Variants in RGS14 observed in about 807,000 individuals in gnomAD.
The protein encoded by RGS14 is regulator of G-protein signaling 14.
RGS14 carries 33 observed loss-of-function variants against 63.8 expected under a neutral mutation model. That is an observed-to-expected ratio of 0.52 (90% CI 0.39 to 0.69). The LOEUF (loss-of-function observed/expected upper bound fraction) is 0.69, where lower values mean the gene tolerates loss of function less well. RGS14 is among the 30% of genes least tolerant of loss of function. The probability of loss-of-function intolerance (pLI) is 0.00; values close to 1 mark genes in which losing one functional copy is unlikely to be tolerated. For synonymous variants in RGS14, 296 were observed against 320.9 expected (o/e 0.92, Z 0.83); for missense variants, 739 against 742.9 (o/e 0.99, Z 0.06).
Position 177,359,712 on chromosome 5 carries a change from C to G in RGS14, c.45+1643C>G, listed in dbSNP as rs1422026824. ...ACTCTCTGTGCCACCTCTTAGAATC[C>G]CGAGGGTCACAGATTGGCTGCCTGC... On this transcript the variant is annotated intron_variant, in intron 1 of 14. Coordinates refer to ENST00000408923, the MANE Select transcript of RGS14 (RefSeq NM_006480.5). This position sits in a 1 kb window ranked among gnomAD's most constrained non-coding sequence, Gnocchi z 4.4. 6.6e-6 allele frequency among the ~76,000 whole-genome samples: 1 copy of G among 152,214 alleles called. No individual in the cohort carries two copies. The highest frequency in any genetic ancestry group is 1.5e-5 in the Non-Finnish European group (1 of 68,036).
At chr5:177,363,877 T>C (rs1195481938) in intron 1 of RGS14, among the ~76,000 whole-genome samples, 2 of 151,866 alleles carry the variant, frequency 1.3e-5, no homozygotes, top group African/African-American at 2.4e-5. Flanking sequence ...CTGAGAGGAG[T>C]GTAAGCCCTT....
chr5:177,368,338 G>C, intron 8 of RGS14, 72 bp downstream of exon 8: 1 of 1,458,768 alleles, frequency 6.9e-7, no homozygotes, highest in Non-Finnish European at 9.2e-7. Flanking sequence ...TTACGTGGTG[G>C]CCCTCATTCC....
chr5:177,368,236 C>T lies in RGS14; in HGVS notation c.819C>T (p.Gly273=), dbSNP rs768580365. The change falls in exon 8 of 15, where the codon GGC becomes GGT. Residue 273 remains glycine (G), a synonymous_variant. Coordinates refer to ENST00000408923, the MANE Select transcript of RGS14 (RefSeq NM_006480.5). ...SLNSSASLDL[G]FLAFVSSKSE... is the part of the protein sequence containing the mutation. ...ACTCCTCCGCCAGCCTGGACCTTGG[C>T]TTCCTAGCCTTCGTCAGCAGCAAAT... 1.9e-5 allele frequency: 31 copies of T among 1,613,456 alleles called. No individual in the cohort carries two copies. The highest frequency in any genetic ancestry group is 2.5e-5 in the Non-Finnish European group (29 of 1,179,624).
chr5:177,366,573 CGTCT>C (rs1445722732), intron 3 of RGS14, 131 bp from the exon 4 acceptor site: 5 of 888,636 alleles, frequency 5.6e-6, no homozygotes, highest in Non-Finnish European at 9.0e-6. Flanking sequence ...GGTCTGGCTC[CGTCT>C]GTCTGTCTGG....
chr5:177,367,501 C>T lies in RGS14; in HGVS notation c.571C>T (p.Arg191Cys). The change falls in exon 6 of 15, where the codon CGC becomes TGC. Residue 191 changes from arginine to cysteine, a missense_variant. Physicochemically the swap from Arg to Cys is radical, Grantham distance 180. Coordinates refer to ENST00000408923, the MANE Select transcript of RGS14 (RefSeq NM_006480.5). ...GTGCCTGCTAGCCGAAGCCGAGGGA[C>T]GCCCTCTGCGGGAACCTGGCTCCTC... is the stretch of plus-strand genomic sequence containing the variant. ...RECLLAEAEG[R>C]PLREPGSSRL... The T allele has an allele frequency of 6.2e-7, 1 of 1,612,606 alleles. No homozygotes were observed. Among genetic ancestry groups the T allele is most frequent in the Non-Finnish European group, 8.5e-7 (1 of 1,179,420 alleles).
intron 1 of RGS14, among the ~76,000 whole-genome samples, chr5:177,360,677 G>A (rs1761945329): frequency 6.6e-6 from 1 of 151,354 alleles, no homozygotes; most frequent in Admixed American, 6.6e-5. Context: ...ACTTTAGGAG[G>A]CCGAGGCGGG....
intron 2 of RGS14, 34 bp downstream of exon 2, chr5:177,366,018 TG>T: frequency 1.2e-6 from 2 of 1,608,082 alleles, no homozygotes; most frequent in Non-Finnish European, 1.7e-6. Flanking sequence ...ACTGGCTGAG[TG>T]GGAGGGAGGA....
rs926621848 is a variant in RGS14, at chr5:177,366,931, C to G, written c.380C>G (p.Ser127Cys). 3.7e-6 allele frequency: 6 copies of G among 1,613,856 alleles called. No homozygotes were observed. The African/African-American group carries it at 6.7e-5, about 18-fold the overall frequency. ...CGCAACATCTACCAGGAGTTCCTGT[C>G]CAGCCAGGCGCTGAGCCCAGTGAAC... ...EARNIYQEFL[S>C]SQALSPVNID... is the part of the protein sequence containing the mutation. Residue 127 changes from serine to cysteine, a missense_variant, in exon 5 of 15, where the codon TCC becomes TGC. Coordinates refer to ENST00000408923, the MANE Select transcript of RGS14 (RefSeq NM_006480.5).
rs1490838212 is a variant in RGS14, at chr5:177,359,098, C to T, written c.45+1029C>T. Among the ~76,000 whole-genome samples the T allele has an allele frequency of 2.0e-5, 3 of 152,128 alleles. No homozygotes were observed. Among genetic ancestry groups the T allele is most frequent in the African/African-American group, 7.2e-5 (3 of 41,432 alleles). ...GGGCTGCATAATTGTCAGCCCAGTG[C>T]CCCCTACATTTTCAGCCCCAATTCA... On this transcript the variant is annotated intron_variant, in intron 1 of 14. Transcript: ENST00000408923. This position sits in a 1 kb window ranked among gnomAD's most constrained non-coding sequence, Gnocchi z 4.4.
At chr5:177,366,048 G>A in intron 2 of RGS14, 64 bp downstream of exon 2, 1 of 1,578,566 alleles carries the variant, frequency 6.3e-7, no homozygotes, top group African/African-American at 1.3e-5. Flanking sequence ...GAGATGGGTG[G>A]GGACACCCCT....
rs908257454 is a variant in RGS14 at position 177,370,529 on chromosome 5, C to A, written c.1054-62C>A. ...GGGAGGGCGTGAAGTTGTTCTCAGA[C>A]CCACAGGGATGGCTGGGGGTTGGGG... On this transcript the variant is annotated intron_variant, in intron 9 of 14. Transcript: ENST00000408923. 42 of 1,483,244 alleles carry A rather than the reference C, an allele frequency of 2.8e-5. No individual in the cohort carries two copies. In the East Asian group the frequency reaches 3.4e-4, roughly 12 times the overall value. The allele number at this position is 1,483,244 out of a possible 1,614,324, so 91.9% of individuals were successfully genotyped here. A position where few individuals can be genotyped will look rare whatever the true frequency, so the allele number is the denominator to read the frequency against.
Position 177,371,744 on chromosome 5 carries a change from A to G in RGS14, c.1499-129A>G. The G allele has an allele frequency of 1.6e-6, 2 of 1,229,198 alleles. No individual in the cohort carries two copies. The highest frequency in any genetic ancestry group is 2.3e-6 in the Non-Finnish European group (2 of 873,308). The allele number at this position is 1,229,198 out of a possible 1,614,324, so 76.1% of individuals were successfully genotyped here. A position where few individuals can be genotyped will look rare whatever the true frequency, so the allele number is the denominator to read the frequency against. ...GGGGTTGGGGGGTCAAAGGGGCTGG[A>G]ACAGGGGGCCGCAGGCCATTGGTGC... On this transcript the variant is annotated intron_variant, in intron 14 of 14. Transcript: ENST00000408923. This position sits in a 1 kb window ranked among gnomAD's most constrained non-coding sequence, Gnocchi z 6.1.
At chr5:177,365,423 G>A (rs531605485) in intron 1 of RGS14, among the ~76,000 whole-genome samples, 126 of 151,186 alleles carry the variant, frequency 8.3e-4, no homozygotes, top group African/African-American at 2.9e-3. Flanking sequence ...GGCTGGTCTC[G>A]AACTCCTGAC....
At chr5:177,363,258 G>A (rs926090984) in intron 1 of RGS14, among the ~76,000 whole-genome samples, 2 of 152,076 alleles carry the variant, frequency 1.3e-5, no homozygotes, top group Non-Finnish European at 2.9e-5. Context: ...TTTCGTTGGG[G>A]GATTTGACTC....
chr5:177,371,726 G>A lies in RGS14; in HGVS notation c.1498+137G>A, dbSNP rs1477076768. The A allele has an allele frequency of 2.5e-6, 3 of 1,198,290 alleles. No individual in the cohort carries two copies. The highest frequency in any genetic ancestry group is 3.5e-6 in the Non-Finnish European group (3 of 845,690). The allele number at this position is 1,198,290 out of a possible 1,614,324, so 74.2% of individuals were successfully genotyped here. A position where few individuals can be genotyped will look rare whatever the true frequency, so the allele number is the denominator to read the frequency against. ...CGTGGAACAGGAAGGATGGGGGTTG[G>A]GGGGTCAAAGGGGCTGGAACAGGGG... On this transcript the variant is annotated intron_variant, in intron 14 of 14. Transcript: ENST00000408923. The surrounding 1 kb of genome is among the most constrained non-coding windows in gnomAD (Gnocchi z 6.1).
At chr5:177,367,121 A>C in intron 5 of RGS14, 87 bp downstream of exon 5, 3 of 1,491,040 alleles carry the variant, frequency 2.0e-6, no homozygotes, top group Non-Finnish European at 2.7e-6. Context: ...CTGAACTACA[A>C]AGCGGAGGGG....
At chr5:177,362,445 G>T (rs982585423) in intron 1 of RGS14, among the ~76,000 whole-genome samples, 4 of 152,154 alleles carry the variant, frequency 2.6e-5, no homozygotes, top group Non-Finnish European at 5.9e-5. Context: ...GCACTCCAGG[G>T]GTGACCAGAC....
intron 9 of RGS14, 58 bp from the exon 10 acceptor site, chr5:177,370,533 C>T (rs898235084): frequency 6.6e-7 from 1 of 1,516,714 alleles, no homozygotes; most frequent in Admixed American, 1.7e-5. Context: ...CTCAGACCCA[C>T]AGGGATGGCT....
At chr5:177,366,669 T>C in intron 3 of RGS14, 39 bp from the exon 4 acceptor site, 1 of 1,595,522 alleles carries the variant, frequency 6.3e-7, no homozygotes, top group Non-Finnish European at 8.6e-7. Context: ...TCTCTGTGTC[T>C]CTGAGTCTCT....
Sources: allele counts gnomAD v4.1 joint callset (sites outside exome capture counted in the v4.1 genomes callset), GRCh38; gene constraint gnomAD v4.1.1; non-coding constraint Gnocchi (gnomAD v3.1); transcripts MANE v1.5; gene names NCBI Gene and HGNC (gene_info 2026-07-23, HGNC 2026-07-21).